NRAP: variants seen among roughly 807,000 people sequenced by gnomAD.
NRAP encodes the protein nebulin-related-anchoring protein.
NRAP carries 189 observed loss-of-function variants against 225.9 expected under a neutral mutation model. That is an observed-to-expected ratio of 0.84 (90% CI 0.74 to 0.94). The LOEUF is 0.94. Ranked by LOEUF, NRAP falls within the 40% of genes least tolerant of loss-of-function variation. The pLI is 0.00. For missense variants in NRAP, 2,176 were observed against 2,168.7 expected, an observed-to-expected ratio of 1.00 and a Z score of -0.07; for synonymous variants, 769 against 790.7, an observed-to-expected ratio of 0.97 and a Z score of 0.46.
At chr10:113,645,991 G>T in intron 10 of NRAP, 50 bp from the exon 11 acceptor site, 3 of 946,760 alleles carry the variant, frequency 3.2e-6, no homozygotes, top group African/African-American at 1.6e-5. Flanking sequence ...TCCATGCTCT[G>T]GGAGGGGAAT....
rs1398007351 is a variant in NRAP at position 113,641,421 on chromosome 10, C to T, written c.1267G>A (p.Val423Ile). The T allele has an allele frequency of 1.2e-6, 2 of 1,613,934 alleles. No homozygotes were observed. Among genetic ancestry groups the T allele is most frequent in the Non-Finnish European group, 1.7e-6 (2 of 1,179,920 alleles). ...TGCAGAGTGCGTCTGTCCATACCAA[C>T]TCCTTCATAGCGGCCTCTCATGTGG... ...QNHMRGRYEG[V>I]GMDRRTLHAM... Residue 423 changes from valine (V) to isoleucine (I), a missense_variant, in exon 13 of 42, where the codon GTT (valine) becomes ATT (isoleucine). Physicochemically the swap from Val to Ile is conservative, Grantham distance 29. This residue lies in a region of NRAP where 1,708 missense variants were observed against 1,695.5 expected (regional missense o/e 1.01). Transcript: ENST00000359988.
At chr10:113,643,759 C>T (rs1232707968) in intron 11 of NRAP, among the ~76,000 whole-genome samples, 2 of 152,086 alleles carry the variant, frequency 1.3e-5, no homozygotes, top group African/African-American at 2.4e-5. Context: ...AACATAAGGA[C>T]GTAAAGAAAT....
rs115939169 is a variant in NRAP at position 113,597,287 on chromosome 10, T to C, written c.4333-103A>G. 5.0e-4 allele frequency: 372 copies of C among 749,850 alleles called. No homozygotes were observed. The African/African-American group carries it at 5.5e-3, about 11-fold the overall frequency. The allele number at this position is 749,850 out of a possible 1,614,324, so 46.4% of individuals were successfully genotyped here. ...TTCTCAGTACCTAACATGCCAATCA[T>C]ATTGTTGGAAAACAAGCCTTTCTTC... is the stretch of plus-strand genomic sequence containing the variant. On this transcript the variant is annotated intron_variant, in intron 36 of 41. Transcript: ENST00000359988.
At chr10:113,619,553 G>A (rs1592779315) in intron 25 of NRAP, among the ~76,000 whole-genome samples, 2 of 151,226 alleles carry the variant, frequency 1.3e-5, no homozygotes, top group Non-Finnish European at 2.9e-5. Flanking sequence ...TGCTGGACAG[G>A]TGTGTTTGAA....
At chr10:113,660,077 C>CACACAT (rs1260633991) in intron 3 of NRAP, among the ~76,000 whole-genome samples, 3 of 150,644 alleles carry the variant, frequency 2.0e-5, no homozygotes, top group Non-Finnish European at 4.4e-5. Context: ...CACACACACA[C>CACACAT]ACACACACAC....
At chr10:113,660,417 A>C (rs1462347261) in intron 3 of NRAP, among the ~76,000 whole-genome samples, 1 of 152,194 alleles carries the variant, frequency 6.6e-6, no homozygotes, top group Non-Finnish European at 1.5e-5. Context: ...GCTGTCACAT[A>C]GACGCAAACA....
intron 34 of NRAP, among the ~76,000 whole-genome samples, chr10:113,605,484 C>T (rs1383867986): frequency 6.6e-6 from 1 of 152,188 alleles, no homozygotes; most frequent in Non-Finnish European, 1.5e-5. Context: ...GACAGGCAGT[C>T]ATGCATTACA....
At chr10:113,604,124 G>GT (rs958466592) in intron 35 of NRAP, among the ~76,000 whole-genome samples, 4 of 151,424 alleles carry the variant, frequency 2.6e-5, no homozygotes, top group African/African-American at 7.3e-5. Flanking sequence ...AATAAAGACT[G>GT]TTTTTTTTCT....
intron 9 of NRAP, among the ~76,000 whole-genome samples, chr10:113,649,591 T>C (rs921288283): frequency 1.3e-5 from 2 of 152,188 alleles, no homozygotes; most frequent in Non-Finnish European, 2.9e-5. Flanking sequence ...GGCATACTGA[T>C]TTATCTACCA....
intron 14 of NRAP, among the ~76,000 whole-genome samples, chr10:113,635,190 C>T (rs933469018): frequency 2.0e-5 from 3 of 152,178 alleles, no homozygotes; most frequent in African/African-American, 7.2e-5. Context: ...GCATCATATG[C>T]ATCCAATCAT....
intron 30 of NRAP, among the ~76,000 whole-genome samples, chr10:113,611,084 T>C (rs1847290968): frequency 6.6e-6 from 1 of 151,996 alleles, no homozygotes; most frequent in African/African-American, 2.4e-5. Context: ...GGCTGACAGT[T>C]TAAAGAGTTC....
At chr10:113,607,674 T>C (rs1002080147) in intron 32 of NRAP, among the ~76,000 whole-genome samples, 6 of 152,144 alleles carry the variant, frequency 3.9e-5, no homozygotes, top group Admixed American at 3.3e-4. Flanking sequence ...TAGGAACTAA[T>C]AGGGTAAATA....
chr10:113,632,751 C>A (rs1430654628), intron 16 of NRAP, among the ~76,000 whole-genome samples: 1 of 152,190 alleles, frequency 6.6e-6, no homozygotes, highest in African/African-American at 2.4e-5. Flanking sequence ...TCTGATGATG[C>A]AGATTGATCT....
intron 39 of NRAP, 28 bp from the exon 40 acceptor site, chr10:113,590,917 C>T (rs1405185676): frequency 1.3e-5 from 21 of 1,600,990 alleles, no homozygotes; most frequent in South Asian, 4.4e-5. Flanking sequence ...AGAGGCAGAT[C>T]ATGGGTGCCT....
At chr10:113,653,904 A>G in intron 5 of NRAP, 117 bp downstream of exon 5, 1 of 738,910 alleles carries the variant, frequency 1.4e-6, no homozygotes, top group Admixed American at 1.8e-5. Context: ...GGACATGGGT[A>G]TCTTTGGGGA....
At chr10:113,605,162 G>A (rs1846878296) in intron 34 of NRAP, among the ~76,000 whole-genome samples, 1 of 152,252 alleles carries the variant, frequency 6.6e-6, no homozygotes, top group South Asian at 2.1e-4. Flanking sequence ...CATGTCCTAT[G>A]GCCAAAAGGA....
intron 31 of NRAP, 59 bp downstream of exon 31, chr10:113,610,400 A>C (rs1465310868): frequency 1.2e-6 from 1 of 823,620 alleles, no homozygotes; most frequent in African/African-American, 1.7e-5. Context: ...AAAGAAACAA[A>C]CTGATTATCC....
At chr10:113,615,171 G>A (rs1364523651) in intron 27 of NRAP, among the ~76,000 whole-genome samples, 3 of 152,118 alleles carry the variant, frequency 2.0e-5, no homozygotes, top group Admixed American at 2.0e-4. Context: ...GATGGGTTGA[G>A]GCATAGAGGG....
chr10:113,636,006 C>T (rs544971644), intron 14 of NRAP, among the ~76,000 whole-genome samples: 34 of 152,190 alleles, frequency 2.2e-4, no homozygotes, highest in Non-Finnish European at 4.0e-4. Flanking sequence ...TCTGTGCCCA[C>T]GGGCTCCAGA....
Sources: gnomAD v4.1 joint callset for allele counts (sites outside exome capture counted in the v4.1 genomes callset) on GRCh38, gnomAD v4.1.1 for gene constraint, gnomAD v4.1.1 regional missense constraint, MANE v1.5 for transcripts, NCBI Gene and HGNC (gene_info 2026-07-23, HGNC 2026-07-21) for gene names.